EPB41L1: variants seen among roughly 807,000 people sequenced by gnomAD.
EPB41L1 encodes band 4.1-like protein 1.
EPB41L1 carries 29 observed loss-of-function variants against 97.8 expected under a neutral mutation model. The observed-to-expected ratio is 0.30, with a 90% CI of 0.22 to 0.40. EPB41L1 has a LOEUF of 0.40. EPB41L1 is among the 10% of genes least tolerant of loss of function. The pLI is 1.00. For synonymous variants in EPB41L1, 383 were observed against 459.2 expected, an observed-to-expected ratio of 0.83 and a Z score of 2.12; for missense variants, 812 against 1,162.3, an observed-to-expected ratio of 0.70 and a Z score of 4.38.
In EPB41L1 at chr20:36,190,948, C is replaced by A; in HGVS notation, c.1300+151C>A. ...CTGGCCCCTCAAGACCAGTGCTGTC[C>A]CTGGGCAGCTCTTGGTGGCTTAGTC... is the stretch of plus-strand genomic sequence containing the variant. On this transcript the variant is annotated intron_variant, in intron 11 of 21. Coordinates refer to ENST00000338074, the MANE Select transcript of EPB41L1 (RefSeq NM_012156.2). The surrounding 1 kb of genome is among the most constrained non-coding windows in gnomAD (Gnocchi z 5.8). 9.0e-7 allele frequency: 1 copy of A among 1,106,336 alleles called. No homozygotes were observed. Among genetic ancestry groups the A allele is most frequent in the Non-Finnish European group, 1.3e-6 (1 of 760,110 alleles). 68.5% of individuals were successfully genotyped at this position (1,106,336 alleles called of 1,614,324 possible). A position where few individuals can be genotyped will look rare whatever the true frequency, so the allele number is the denominator to read the frequency against.
At position 36,093,425 on chromosome 20, in the gene EPB41L1, G is replaced by C. The variant is rs1007623140; in HGVS notation, c.-65+1813G>C. The stretch of plus-strand genomic sequence containing the variant: ...CCGCGTAGCCCCCGTGTGCGTGTGC[G>C]CGGCTTTGTCTTCGCACTGCCGGGA... On this transcript the variant is annotated intron_variant, in intron 1 of 19. Transcript: ENST00000202028. The surrounding 1 kb of genome is among the most constrained non-coding windows in gnomAD (Gnocchi z 5.4). Among the ~76,000 whole-genome samples, 2 of 151,840 alleles carry C rather than the reference G, an allele frequency of 1.3e-5. No individual in the cohort carries two copies. The highest frequency in any genetic ancestry group is 4.8e-5 in the African/African-American group (2 of 41,328).
rs148814365 is a variant in EPB41L1, at chr20:36,122,092, G to A, written c.-10+9612G>A. Among the ~76,000 whole-genome samples, 90 of 152,302 alleles carry A rather than the reference G, an allele frequency of 5.9e-4. 1 individual carries two copies. The East Asian group carries it at 6.6e-3, about 11-fold the overall frequency. Reference sequence around the variant, plus strand: ...TGCTCACGGAGTAGGGGAGGGCAAAGGATAGAGCGTGTGTGCACCTGGCCA... The same window carrying A: ...TGCTCACGGAGTAGGGGAGGGCAAAAGATAGAGCGTGTGTGCACCTGGCCA... On this transcript the variant is annotated intron_variant, in intron 2 of 19. Transcript: ENST00000202028.
At chr20:36,222,808 CCT>C (rs2063864123) in intron 21 of EPB41L1, among the ~76,000 whole-genome samples, 1 of 152,158 alleles carries the variant, frequency 6.6e-6, no homozygotes, top group African/African-American at 2.4e-5. Flanking sequence ...CGTTCCTGGC[CCT>C]GAGTCTCTCT....
chr20:36,196,015 C>T (rs1414903094), intron 13 of EPB41L1, among the ~76,000 whole-genome samples: 1 of 152,222 alleles, frequency 6.6e-6, no homozygotes, highest in African/African-American at 2.4e-5. Context: ...CCATTTGTTG[C>T]TTCCCCCAAA....
At chr20:36,166,644 T>G (rs562042569) in intron 1 of EPB41L1, among the ~76,000 whole-genome samples, 2 of 152,204 alleles carry the variant, frequency 1.3e-5, no homozygotes, top group South Asian at 4.1e-4. Flanking sequence ...CCTAGCACTT[T>G]GGGAGGCCAA....
chr20:36,185,107 CT>C lies in EPB41L1; in HGVS notation c.567-9del, dbSNP rs1569240347. On this transcript the variant is annotated splice_polypyrimidine_tract_variant and intron_variant, in intron 6 of 21. Transcript: ENST00000338074. ...GCCCTGTGCCCATGCTGGCTCTCCC[CT>C]ATCTCCAGATACTACCTGTGCCTGC... is the stretch of plus-strand genomic sequence containing the variant. The C allele has an allele frequency of 6.2e-7, 1 of 1,612,026 alleles. No homozygotes were observed. The highest frequency in any genetic ancestry group is 1.7e-5 in the Admixed American group (1 of 60,032).
rs2063017395 is a variant in EPB41L1, at chr20:36,209,627, G to A, written c.1808G>A (p.Arg603His). Residue 603 changes from arginine to histidine, a missense_variant, in exon 15 of 22, where the codon CGC (arginine) becomes CAC (histidine). Around this residue, in one of 3 missense-constraint regions of EPB41L1, gnomAD observed 498 missense variants for 622.7 expected, o/e 0.80. Coordinates refer to ENST00000338074, the MANE Select transcript of EPB41L1 (RefSeq NM_012156.2). The surrounding 1 kb of genome is among the most constrained non-coding windows in gnomAD (Gnocchi z 4.2). The part of the protein sequence containing the change: ...FLKDNHLAIE[R>H]KCSSITVSST... ...AAGGACAACCACCTGGCCATTGAGC[G>A]CAAGTGCTCCAGCATCACGGTCAGC... is the stretch of plus-strand genomic sequence containing the variant. 6.2e-7 allele frequency: 1 copy of A among 1,614,076 alleles called. No individual in the cohort carries two copies. The highest frequency in any genetic ancestry group is 1.3e-5 in the African/African-American group (1 of 74,938).
At chr20:36,205,504 T>C (rs909550850) in intron 14 of EPB41L1, among the ~76,000 whole-genome samples, 6 of 152,204 alleles carry the variant, frequency 3.9e-5, no homozygotes, top group Admixed American at 1.3e-4. Context: ...GTGGCAGTTA[T>C]GTTATTAAAA....
At chr20:36,185,759 G>C (rs979935400) in intron 7 of EPB41L1, among the ~76,000 whole-genome samples, 1 of 152,188 alleles carries the variant, frequency 6.6e-6, no homozygotes, top group African/African-American at 2.4e-5. Flanking sequence ...AGGATCTCAG[G>C]AAGGTCATTT....
Position 36,124,469 on chromosome 20 carries a change from C to T in EPB41L1, c.-10+11989C>T, listed in dbSNP as rs144044518. On this transcript the variant is annotated intron_variant, in intron 2 of 19. Transcript: ENST00000202028. Reference sequence around the variant, plus strand: ...TTATTCTATTGGTCATTTCCGTCAGCCACAGGAGTCTTCTCTGTTCATTTA... The same window carrying T: ...TTATTCTATTGGTCATTTCCGTCAGTCACAGGAGTCTTCTCTGTTCATTTA... Among the ~76,000 whole-genome samples the T allele has an allele frequency of 9.0e-4, 137 of 152,298 alleles. 1 individual carries two copies. The highest frequency in any genetic ancestry group is 3.1e-3 in the African/African-American group (129 of 41,560).
chr20:36,208,179 G>T, intron 14 of EPB41L1: 1 of 315,104 alleles, frequency 3.2e-6, no homozygotes, highest in Non-Finnish European at 6.3e-6. Flanking sequence ...CCCATCCCTG[G>T]TTCTCCCGCC....
At chr20:36,112,780 C>T (rs1177183172) in intron 2 of EPB41L1, among the ~76,000 whole-genome samples, 1 of 152,236 alleles carries the variant, frequency 6.6e-6, no homozygotes, top group African/African-American at 2.4e-5. Context: ...GGTGCTGGGC[C>T]TGGAAGCTGC....
At position 36,206,711 on chromosome 20, in the gene EPB41L1, C is replaced by A. The variant is rs923240133; in HGVS notation, c.1669-2777C>A. ...GGAGGACCTGGTGACCTGAAGGGAT[C>A]TCCCGCAGGACAGACGTTTGCTGAA... On this transcript the variant is annotated intron_variant, in intron 14 of 21. Transcript: ENST00000338074. This position sits in a 1 kb window ranked among gnomAD's most constrained non-coding sequence, Gnocchi z 5.5. 19 of 1,289,720 alleles carry A rather than the reference C, an allele frequency of 1.5e-5. No homozygotes were observed. The Middle Eastern group carries it at 6.4e-4, about 43-fold the overall frequency. The allele number at this position is 1,289,720 out of a possible 1,614,324, so 79.9% of individuals were successfully genotyped here. A position where few individuals can be genotyped will look rare whatever the true frequency, so the allele number is the denominator to read the frequency against.
chr20:36,221,037 T>C (rs550137549), intron 19 of EPB41L1, among the ~76,000 whole-genome samples: 5 of 152,162 alleles, frequency 3.3e-5, no homozygotes, highest in Non-Finnish European at 7.4e-5. Context: ...AATGTTGACT[T>C]CTCTGAAAGC....
At chr20:36,132,745 A>G (rs1254635106) in intron 2 of EPB41L1, among the ~76,000 whole-genome samples, 2 of 150,982 alleles carry the variant, frequency 1.3e-5, no homozygotes, top group African/African-American at 4.9e-5. Context: ...ATTCTGTATG[A>G]TGGGGGGCCC....
In EPB41L1 at chr20:36,218,883, G is replaced by A. The variant is rs148049431; in HGVS notation, c.2276G>A (p.Ser759Asn). The change falls in exon 18 of 22, where the codon AGT (serine) becomes AAT (asparagine). Residue 759 changes from serine (S) to asparagine (N), a missense_variant. This residue lies in a region of EPB41L1 where 498 missense variants were observed against 622.7 expected (regional missense o/e 0.80). Coordinates refer to ENST00000338074, the MANE Select transcript of EPB41L1 (RefSeq NM_012156.2). ...GCACTATTGTTTCCCCAGGAGAACA[G>A]TCTCAAGTCCGGGAAGGGGGCAGCT... The part of the protein sequence containing the change: ...TETISTTMEN[S>N]LKSGKGAAAM... The A allele has an allele frequency of 7.6e-5, 122 of 1,614,042 alleles. No individual in the cohort carries two copies. In the African/African-American group the frequency reaches 1.4e-3, roughly 19 times the overall value.
chr20:36,208,889 A>T (rs756765803), intron 14 of EPB41L1, among the ~76,000 whole-genome samples: 1 of 152,062 alleles, frequency 6.6e-6, no homozygotes, highest in Non-Finnish European at 1.5e-5. Flanking sequence ...CGTAGCACTC[A>T]GCTCCCAAGA....
At chr20:36,215,708 C>A (rs1195286937) in intron 17 of EPB41L1, among the ~76,000 whole-genome samples, 3 of 152,172 alleles carry the variant, frequency 2.0e-5, no homozygotes, top group African/African-American at 7.2e-5. Flanking sequence ...TTTACTCATC[C>A]ATCCATCCAT....
chr20:36,232,490 T>C lies in EPB41L1; in HGVS notation c.*3150T>C, dbSNP rs2064533777. On this transcript the variant is annotated 3_prime_UTR_variant, in exon 22 of 22. Coordinates refer to ENST00000338074, the MANE Select transcript of EPB41L1 (RefSeq NM_012156.2). ...TCTCATGGGTCTTCATTTTCTCTTA[T>C]TTTGTTTTCTCTGGATCTTTTCCAT... is the stretch of plus-strand genomic sequence containing the variant. The C allele has an allele frequency of 5.0e-6, 2 of 397,948 alleles. No homozygotes were observed. The highest frequency in any genetic ancestry group is 2.1e-5 in the African/African-American group (1 of 48,626). The allele number at this position is 397,948 out of a possible 1,614,324, so 24.7% of individuals were successfully genotyped here.
Sources: allele counts gnomAD v4.1 joint callset (sites outside exome capture counted in the v4.1 genomes callset), GRCh38; gene constraint gnomAD v4.1.1; regional missense constraint gnomAD v4.1.1; non-coding constraint Gnocchi (gnomAD v3.1); transcripts MANE v1.5; gene names NCBI Gene and HGNC (gene_info 2026-07-23, HGNC 2026-07-21).